The following PCDHGC3 variants were observed in gnomAD, a reference collection of about 807,000 sequenced individuals.
PCDHGC3 encodes protocadherin gamma subfamily C, 3.
A neutral mutation model predicts 59.2 loss-of-function variants in PCDHGC3; 26 were observed. That is an observed-to-expected ratio of 0.44 (90% confidence interval 0.32 to 0.61). The LOEUF (loss-of-function observed/expected upper bound fraction) is 0.61, where lower values mean the gene tolerates loss of function less well. Among genes scored for constraint, PCDHGC3 ranks in the 20% least tolerant of loss-of-function variants. The probability of loss-of-function intolerance (pLI) is 0.05; values close to 1 mark genes in which losing one functional copy is unlikely to be tolerated. For synonymous variants in PCDHGC3, 487 were observed against 519.7 expected, an observed-to-expected ratio of 0.94 and a Z score of 0.86; for missense variants, 1,080 against 1,221.8, an observed-to-expected ratio of 0.88 and a Z score of 1.73.
intron 2 of PCDHGC3, among the ~76,000 whole-genome samples, chr5:141,502,988 C>A (rs1285178746): frequency 6.7e-6 from 1 of 150,346 alleles, no homozygotes; most frequent in Non-Finnish European, 1.5e-5. Flanking sequence ...GGATTACAGG[C>A]GTGTGCCACC....
Position 141,496,888 on chromosome 5 carries a change from TA to T in PCDHGC3, c.2489+2038del, listed in dbSNP as rs35063790. 4.6e-3 allele frequency among the ~76,000 whole-genome samples: 621 copies of T among 133,932 alleles called. 1 individual carries two copies. Among genetic ancestry groups the T allele is most frequent in the Middle Eastern group, 0.011 (3 of 270 alleles). 87.9% of individuals were successfully genotyped at this position (133,932 alleles called of 152,430 possible). ...CTGAAAATTTGCAACAAGTAACACT[TA>T]AAAAAAAAAAAAAAGGCTGGGCACT... On this transcript the variant is annotated intron_variant, in intron 2 of 3. Coordinates refer to ENST00000308177, the MANE Select transcript of PCDHGC3 (RefSeq NM_002588.4).
intron 2 of PCDHGC3, among the ~76,000 whole-genome samples, chr5:141,503,393 G>A (rs954734829): frequency 2.0e-5 from 3 of 151,824 alleles, no homozygotes; most frequent in African/African-American, 4.8e-5. Flanking sequence ...TCAGGAGTTC[G>A]AAACCAACCT....
chr5:141,477,737 G>T lies in PCDHGC3; in HGVS notation c.1621G>T (p.Asp541Tyr), dbSNP rs1178108717. 1.2e-6 allele frequency: 2 copies of T among 1,613,846 alleles called. No homozygotes were observed. Among genetic ancestry groups the T allele is most frequent in the South Asian group, 1.1e-5 (1 of 91,088 alleles). ...ATTTGAATTAACAGCTCATATCAGC[G>T]ATGGGGGCACCCCGGTCCTAGCCAC... Reference protein sequence around the residue: ...REFELTAHISDGGTPVLATNI... With the variant: ...REFELTAHISYGGTPVLATNI... Residue 541 changes from aspartate (D) to tyrosine (Y), a missense_variant, in exon 1 of 4, where the codon GAT (aspartate) becomes TAT (tyrosine). Coordinates refer to ENST00000308177, the MANE Select transcript of PCDHGC3 (RefSeq NM_002588.4). This position sits in a 1 kb window ranked among gnomAD's most constrained non-coding sequence, Gnocchi z 4.9.
chr5:141,492,919 C>A (rs1019663003), intron 1 of PCDHGC3, among the ~76,000 whole-genome samples: 1 of 152,192 alleles, frequency 6.6e-6, no homozygotes, highest in Non-Finnish European at 1.5e-5. Context: ...ATGTGCCCAG[C>A]GATCTAGGGT....
rs2099883748 is a variant in PCDHGC3 at position 141,511,359 on chromosome 5, T to A, written c.*186T>A. On this transcript the variant is annotated 3_prime_UTR_variant, in exon 4 of 4. Transcript: ENST00000308177. ...CACCTACCCCTTCCCCCCCAGGGGGTTGAATATGCAAAAGCAGTTCCGCTG... is the reference window on the plus strand; with the variant it reads ...CACCTACCCCTTCCCCCCCAGGGGGATGAATATGCAAAAGCAGTTCCGCTG... 2 of 1,339,338 alleles carry A rather than the reference T, an allele frequency of 1.5e-6. No individual in the cohort carries two copies. Among genetic ancestry groups the A allele is most frequent in the Non-Finnish European group, 2.0e-6 (2 of 1,000,492 alleles). The allele number at this position is 1,339,338 out of a possible 1,614,324, so 83.0% of individuals were successfully genotyped here. A position where few individuals can be genotyped will look rare whatever the true frequency, so the allele number is the denominator to read the frequency against.
Position 141,494,920 on chromosome 5 carries a change from G to A in PCDHGC3, c.2489+55G>A, listed in dbSNP as rs1329724849. The A allele has an allele frequency of 1.8e-5, 29 of 1,613,680 alleles. No individual in the cohort carries two copies. The East Asian group carries it at 6.5e-4, about 36-fold the overall frequency. On this transcript the variant is annotated intron_variant, in intron 2 of 3. Coordinates refer to ENST00000308177, the MANE Select transcript of PCDHGC3 (RefSeq NM_002588.4). ...TTCTCTGCGGCATTTTCTCAGGGAT[G>A]ACGTGGGAGGAGATGGGGGAGGGCC...
rs745612756 is a variant in PCDHGC3 at position 141,487,150 on chromosome 5, T to C, written c.2431-7657T>C. The C allele has an allele frequency of 1.1e-5, 17 of 1,613,960 alleles. No individual in the cohort carries two copies. In the South Asian group the frequency reaches 1.6e-4, roughly 16 times the overall value. On this transcript the variant is annotated intron_variant, in intron 1 of 3. Transcript: ENST00000308177. This position sits in a 1 kb window ranked among gnomAD's most constrained non-coding sequence, Gnocchi z 5.0. The stretch of plus-strand genomic sequence containing the variant: ...GTAGTCCACCACTCTCTACCTCTGT[T>C]ACTCTCTTAGTGTCCTTAGAGGAAG...
In PCDHGC3 at chr5:141,476,776, G is replaced by A. The variant is rs764674164; in HGVS notation, c.660G>A (p.Gly220=). 9.3e-6 allele frequency: 15 copies of A among 1,612,744 alleles called. No homozygotes were observed. The highest frequency in any genetic ancestry group is 1.3e-5 in the Non-Finnish European group (15 of 1,179,218). The change falls in exon 1 of 4, where the codon GGG becomes GGA. Residue 220 remains glycine, a synonymous_variant. Coordinates refer to ENST00000308177, the MANE Select transcript of PCDHGC3 (RefSeq NM_002588.4). This position sits in a 1 kb window ranked among gnomAD's most constrained non-coding sequence, Gnocchi z 7.6. ...TAGTGCTGACGGCGTTGGACGGAGG[G>A]ACCCCAGCTCTCTCCGCCAGCCTGC... ...LQLVLTALDG[G]TPALSASLPI...
At chr5:141,502,946 C>T (rs900624216) in intron 2 of PCDHGC3, among the ~76,000 whole-genome samples, 13 of 145,572 alleles carry the variant, frequency 8.9e-5, no homozygotes, top group African/African-American at 2.6e-4. Flanking sequence ...TGGGTTCAAG[C>T]GATTCTCCTG....
rs150106838 is a variant in PCDHGC3, at chr5:141,503,886, T to C, written c.2490-1507T>C. On this transcript the variant is annotated intron_variant, in intron 2 of 3. Coordinates refer to ENST00000308177, the MANE Select transcript of PCDHGC3 (RefSeq NM_002588.4). Reference sequence around the variant, plus strand: ...AGTTCTTGGTTGTGCTCACCCACCATGACAAAATATGCACACACACAACGC... The same window carrying C: ...AGTTCTTGGTTGTGCTCACCCACCACGACAAAATATGCACACACACAACGC... Among the ~76,000 whole-genome samples, 20 of 152,290 alleles carry C rather than the reference T, an allele frequency of 1.3e-4. No individual in the cohort carries two copies. The South Asian group carries it at 3.9e-3, about 30-fold the overall frequency.
chr5:141,500,182 A>ATTTT lies in PCDHGC3; in HGVS notation c.2490-5209_2490-5206dup, dbSNP rs1199992745. Among the ~76,000 whole-genome samples the ATTTT allele has an allele frequency of 1.7e-3, 223 of 131,716 alleles. 2 individuals are homozygous for ATTTT. Among genetic ancestry groups the ATTTT allele is most frequent in the African/African-American group, 6.2e-3 (201 of 32,350 alleles). The allele number at this position is 131,716 out of a possible 152,430, so 86.4% of individuals were successfully genotyped here. On this transcript the variant is annotated intron_variant, in intron 2 of 3. Transcript: ENST00000308177. ...AAGAACATGCATGAGCTTCATTTTT[A>ATTTT]TTTTTATTTATTTATTTATTTATTT...
intron 1 of PCDHGC3, 140 bp downstream of exon 1, chr5:141,478,686 GA>G (rs2099472024): frequency 6.4e-7 from 1 of 1,551,134 alleles, no homozygotes; most frequent in South Asian, 1.2e-5. Context: ...GCCCTTCCTA[GA>G]TCAAAGTTAG....
chr5:141,478,347 C>T lies in PCDHGC3; in HGVS notation c.2231C>T (p.Ala744Val). The T allele has an allele frequency of 1.2e-6, 2 of 1,613,802 alleles. No homozygotes were observed. Among genetic ancestry groups the T allele is most frequent in the Non-Finnish European group, 1.7e-6 (2 of 1,179,998 alleles). ...LYRTPGPSLH[A>V]DAVRGGLMSP... ...CGAACACCAGGGCCCTCCTTGCACG[C>T]GGACGCCGTGCGGGGAGGCCTGATG... The change falls in exon 1 of 4, where the codon GCG becomes GTG. Residue 744 changes from alanine (A) to valine (V), a missense_variant. By Grantham distance (64) the Ala-to-Val change is moderately conservative (BLOSUM62 0). Transcript: ENST00000308177.
Position 141,485,447 on chromosome 5 carries a change from C to G in PCDHGC3, c.2430+6901C>G, listed in dbSNP as rs1233800346. 6.2e-7 allele frequency: 1 copy of G among 1,614,144 alleles called. No individual in the cohort carries two copies. The highest frequency in any genetic ancestry group is 8.5e-7 in the Non-Finnish European group (1 of 1,180,036). On this transcript the variant is annotated intron_variant, in intron 1 of 3. Transcript: ENST00000308177. This position sits in a 1 kb window ranked among gnomAD's most constrained non-coding sequence, Gnocchi z 5.7. ...CCTGCTCATCAAGAACCCAATCGAC[C>G]GAGAGGCACTGTGTGGGCTCAGTGC... is the stretch of plus-strand genomic sequence containing the variant.
At chr5:141,492,189 G>A (rs2099737936) in intron 1 of PCDHGC3, among the ~76,000 whole-genome samples, 1 of 152,204 alleles carries the variant, frequency 6.6e-6, no homozygotes, top group East Asian at 1.9e-4. Flanking sequence ...GCACCTGTCT[G>A]CGGGACTTAG....
At chr5:141,509,275 G>A (rs185255724) in intron 3 of PCDHGC3, among the ~76,000 whole-genome samples, 1 of 152,096 alleles carries the variant, frequency 6.6e-6, no homozygotes, top group East Asian at 1.9e-4. Flanking sequence ...CTCGCTACCC[G>A]CTCCCAGGGT....
At chr5:141,506,609 T>C (rs1375963880) in intron 3 of PCDHGC3, among the ~76,000 whole-genome samples, 1 of 152,184 alleles carries the variant, frequency 6.6e-6, no homozygotes, top group African/African-American at 2.4e-5. Context: ...GATCTCATTG[T>C]GGTGTTACCA....
rs775153988 is a variant in PCDHGC3 at position 141,485,268 on chromosome 5, G to A, written c.2430+6722G>A. On this transcript the variant is annotated intron_variant, in intron 1 of 3. Coordinates refer to ENST00000308177, the MANE Select transcript of PCDHGC3 (RefSeq NM_002588.4). This position sits in a 1 kb window ranked among gnomAD's most constrained non-coding sequence, Gnocchi z 5.7. ...CTGGGTTACGTTTGTGGGCAGATCC[G>A]CTACCCGGTCCCAGAGGAGTCACAG... 6.2e-7 allele frequency: 1 copy of A among 1,614,100 alleles called. No homozygotes were observed. Among genetic ancestry groups the A allele is most frequent in the Non-Finnish European group, 8.5e-7 (1 of 1,179,936 alleles).
chr5:141,483,648 T>TTGTGTGTGTGTG (rs111458813), intron 1 of PCDHGC3, among the ~76,000 whole-genome samples: 51 of 149,708 alleles, frequency 3.4e-4, no homozygotes, highest in African/African-American at 1.2e-3. Context: ...GGGTGTGTGT[T>TTGTGTGTGTGTG]TGTGTGTGTG....
Sources: gnomAD v4.1 joint callset for allele counts (sites outside exome capture counted in the v4.1 genomes callset) on GRCh38, gnomAD v4.1.1 for gene constraint, Gnocchi (gnomAD v3.1) non-coding constraint, MANE v1.5 for transcripts, NCBI Gene and HGNC (gene_info 2026-07-23, HGNC 2026-07-21) for gene names.